The following ARID4A variants were observed in gnomAD, a reference collection of about 807,000 sequenced individuals.
The protein encoded by ARID4A is AT-rich interaction domain 4A.
Under a neutral mutation model 148.6 loss-of-function variants are expected in ARID4A, and 39 were observed. The observed-to-expected ratio is 0.26, with a 90% CI of 0.20 to 0.34. ARID4A has a LOEUF of 0.34. Among genes scored for constraint, ARID4A ranks in the 10% least tolerant of loss-of-function variants. The pLI is 1.00. For synonymous variants in ARID4A, 475 were observed against 481.2 expected, an observed-to-expected ratio of 0.99 and a Z score of 0.17; for missense variants, 1,265 against 1,449.1, an observed-to-expected ratio of 0.87 and a Z score of 2.06.
intron 7 of ARID4A, among the ~76,000 whole-genome samples, chr14:58,319,476 T>A (rs915102038): frequency 3.4e-5 from 5 of 147,000 alleles, no homozygotes; most frequent in African/African-American, 1.2e-4. Flanking sequence ...ACTTAAAGAT[T>A]GCAAGAATAA....
chr14:58,314,205 A>G (rs895488043), intron 5 of ARID4A, among the ~76,000 whole-genome samples: 108 of 152,342 alleles, frequency 7.1e-4, no homozygotes, highest in African/African-American at 2.5e-3. Context: ...TTAGCATGCT[A>G]TAGAAGACTG....
intron 11 of ARID4A, among the ~76,000 whole-genome samples, chr14:58,332,731 T>G (rs918293131): frequency 6.6e-6 from 1 of 152,178 alleles, no homozygotes; most frequent in Admixed American, 6.5e-5. Flanking sequence ...GGCTACGCTG[T>G]TTTATTACAT....
chr14:58,360,881 A>G lies in ARID4A; in HGVS notation c.1939-20A>G, dbSNP rs779760320. 7 of 1,611,964 alleles carry G rather than the reference A, an allele frequency of 4.3e-6. No individual in the cohort carries two copies. Among genetic ancestry groups the G allele is most frequent in the Admixed American group, 3.4e-5 (2 of 59,642 alleles). On this transcript the variant is annotated intron_variant, in intron 18 of 23. Coordinates refer to ENST00000355431, the MANE Select transcript of ARID4A (RefSeq NM_002892.4). ...CGTAAAGCATTGGCCCTTCTCATAC[A>G]TTTTGTTGTTGTTGCCCAGAATAAA... is the stretch of plus-strand genomic sequence containing the variant.
intron 18 of ARID4A, among the ~76,000 whole-genome samples, chr14:58,360,498 G>C (rs1258474872): frequency 1.3e-5 from 2 of 152,208 alleles, no homozygotes; most frequent in Non-Finnish European, 2.9e-5. Context: ...TTTGCCCATT[G>C]TTTTGTCTAC....
In ARID4A at chr14:58,366,069, G is replaced by C; in HGVS notation, c.3362G>C (p.Ser1121Thr). ...SEDLPVLDNS[S>T]KCTPVKHLNV... The stretch of plus-strand genomic sequence containing the variant: ...GATCTTCCTGTCCTAGACAATTCAA[G>C]TAAATGTACCCCAGTAAAGCATCTT... The change falls in exon 22 of 24, where the codon AGT becomes ACT. Residue 1121 changes from serine to threonine, a missense_variant. By Grantham distance (58) the Ser-to-Thr change is moderately conservative (BLOSUM62 1). Transcript: ENST00000355431. The C allele has an allele frequency of 6.2e-7, 1 of 1,613,766 alleles. No homozygotes were observed. The highest frequency in any genetic ancestry group is 1.7e-5 in the Admixed American group (1 of 60,006).
intron 11 of ARID4A, among the ~76,000 whole-genome samples, chr14:58,332,808 C>T (rs2033606917): frequency 6.6e-6 from 1 of 152,078 alleles, no homozygotes; most frequent in South Asian, 2.1e-4. Flanking sequence ...TGTTGCATTA[C>T]AATAATCAAA....
chr14:58,315,595 A>C (rs2032354916), intron 5 of ARID4A, among the ~76,000 whole-genome samples: 2 of 152,174 alleles, frequency 1.3e-5, no homozygotes, highest in South Asian at 4.1e-4. Flanking sequence ...AAAACCTTTC[A>C]GGTTTTATTC....
rs2035284525 is a variant in ARID4A, at chr14:58,364,837, A to G, written c.2748A>G (p.Ala916=). ...ATGAAGGAATGCCATCATTGATAGC[A>G]GAGTCAAACCAATGCATCCAACAAC... is the stretch of plus-strand genomic sequence containing the variant. ...RENEGMPSLI[A]ESNQCIQQLT... Residue 916 remains alanine (A), a synonymous_variant, in exon 20 of 24, where the codon GCA becomes GCG. Transcript: ENST00000355431. 1 of 1,614,160 alleles carries G rather than the reference A, an allele frequency of 6.2e-7. No homozygotes were observed. Among genetic ancestry groups the G allele is most frequent in the Non-Finnish European group, 8.5e-7 (1 of 1,180,024 alleles).
Position 58,373,078 on chromosome 14 carries a change from TA to T in ARID4A, c.*1092del. Reference sequence around the variant, plus strand: ...AACTATAAATGGGCATCTGGATCATTAAAGTATGTCCTTGTTTAGAAACTTT... The same window carrying T: ...AACTATAAATGGGCATCTGGATCATTAAGTATGTCCTTGTTTAGAAACTTT... On this transcript the variant is annotated 3_prime_UTR_variant, in exon 24 of 24. Transcript: ENST00000355431. 1 of 199,510 alleles carries T rather than the reference TA, an allele frequency of 5.0e-6. No individual in the cohort carries two copies. Among genetic ancestry groups the T allele is most frequent in the Non-Finnish European group, 1.0e-5 (1 of 96,492 alleles). The allele number at this position is 199,510 out of a possible 1,614,324, so 12.4% of individuals were successfully genotyped here. A position where few individuals can be genotyped will look rare whatever the true frequency, so the allele number is the denominator to read the frequency against.
chr14:58,320,123 T>G (rs967147716), intron 7 of ARID4A, among the ~76,000 whole-genome samples: 3 of 151,544 alleles, frequency 2.0e-5, no homozygotes, highest in Non-Finnish European at 4.4e-5. Context: ...AATTTTTCTA[T>G]TTTTAGTAGA....
At chr14:58,365,489 T>TTTAAAAATTA in intron 20 of ARID4A, 29 bp from the exon 21 acceptor site, 3 of 985,680 alleles carry the variant, frequency 3.0e-6, no homozygotes, top group Non-Finnish European at 4.3e-6. Flanking sequence ...TTTTTTTTTT[T>TTTAAAAATTA]CAACATTCTC....
rs1389211864 is a variant in ARID4A at position 58,351,422 on chromosome 14, T to C, written c.1655+99T>C. On this transcript the variant is annotated intron_variant, in intron 16 of 23. Transcript: ENST00000355431. Reference sequence around the variant, plus strand: ...TCAGGTTTGAGGGAATGTTTTCTTATTGGGACTTCCGTTCCTCTTGTCTAA... The same window carrying C: ...TCAGGTTTGAGGGAATGTTTTCTTACTGGGACTTCCGTTCCTCTTGTCTAA... The C allele has an allele frequency of 6.9e-6, 10 of 1,451,290 alleles. No individual in the cohort carries two copies. In the East Asian group the frequency reaches 1.6e-4, roughly 23 times the overall value. The allele number at this position is 1,451,290 out of a possible 1,614,324, so 89.9% of individuals were successfully genotyped here. A position where few individuals can be genotyped will look rare whatever the true frequency, so the allele number is the denominator to read the frequency against.
At position 58,344,777 on chromosome 14, in the gene ARID4A, T is replaced by C. The variant is rs923763372; in HGVS notation, c.979+10T>C. On this transcript the variant is annotated intron_variant, in intron 12 of 23. Transcript: ENST00000355431. Reference sequence around the variant, plus strand: ...TTTATGGAAGACAGAGGTATTTTCATGCTCATTATTTTAAAGTAGTCATTT... The same window carrying C: ...TTTATGGAAGACAGAGGTATTTTCACGCTCATTATTTTAAAGTAGTCATTT... The C allele has an allele frequency of 1.8e-5, 28 of 1,598,676 alleles. No individual in the cohort carries two copies. The South Asian group carries it at 3.1e-4, about 18-fold the overall frequency.
chr14:58,310,918 A>G (rs2031979857), intron 5 of ARID4A, among the ~76,000 whole-genome samples: 1 of 152,024 alleles, frequency 6.6e-6, no homozygotes. Flanking sequence ...AGGAACTTAA[A>G]CAACTCGATA....
At chr14:58,300,718 A>G (rs1227661959) in intron 2 of ARID4A, among the ~76,000 whole-genome samples, 2 of 152,028 alleles carry the variant, frequency 1.3e-5, no homozygotes, top group Non-Finnish European at 1.5e-5. Flanking sequence ...ATCATTTTCT[A>G]CTTCAAAACG....
intron 3 of ARID4A, among the ~76,000 whole-genome samples, chr14:58,304,421 A>G (rs994825898): frequency 1.3e-5 from 2 of 152,200 alleles, no homozygotes; most frequent in Admixed American, 6.5e-5. Flanking sequence ...GTAACCAGCC[A>G]TCTGTTACGG....
chr14:58,320,923 T>C (rs8011517), intron 7 of ARID4A, among the ~76,000 whole-genome samples: 262 of 152,312 alleles, frequency 1.7e-3, no homozygotes, highest in African/African-American at 6.0e-3. Context: ...ATTGACGTTT[T>C]TGAAGAATAC....
chr14:58,317,237 A>G (rs112911156), intron 5 of ARID4A, among the ~76,000 whole-genome samples: 76 of 150,010 alleles, frequency 5.1e-4, no homozygotes, highest in African/African-American at 1.6e-3. Context: ...TTGAGAAAGC[A>G]TCTATGTAAT....
At chr14:58,360,098 G>A (rs2035071652) in intron 18 of ARID4A, among the ~76,000 whole-genome samples, 1 of 151,680 alleles carries the variant, frequency 6.6e-6, no homozygotes, top group Non-Finnish European at 1.5e-5. Context: ...ATTCTTGACA[G>A]ATAATTGTGA....
Sources: gnomAD v4.1 joint callset for allele counts (sites outside exome capture counted in the v4.1 genomes callset) on GRCh38, gnomAD v4.1.1 for gene constraint, MANE v1.5 for transcripts, NCBI Gene and HGNC (gene_info 2026-07-23, HGNC 2026-07-21) for gene names.